The following PLA2G2D variants were observed in gnomAD, a reference collection of about 807,000 sequenced individuals.
PLA2G2D encodes phospholipase A2 group IID.
In PLA2G2D, 17 loss-of-function variants were observed where a neutral mutation model predicts 13.9. The observed-to-expected ratio is 1.23, with a 90% CI of 0.84 to 1.84. The LOEUF (loss-of-function observed/expected upper bound fraction) is 1.84. Among genes scored for constraint, PLA2G2D ranks in the 40% most tolerant of loss-of-function variants. The pLI is 0.00. For missense variants in PLA2G2D, 194 were observed against 178.7 expected, an observed-to-expected ratio of 1.09 and a Z score of -0.49; for synonymous variants, 83 against 69.3, an observed-to-expected ratio of 1.20 and a Z score of -0.98.
intron 3 of PLA2G2D, 93 bp downstream of exon 3, chr1:20,115,414 C>T: frequency 2.6e-6 from 2 of 765,444 alleles, no homozygotes; most frequent in South Asian, 1.5e-5. Flanking sequence ...AAAAAAAAAA[C>T]AGAGAGGTCA....
chr1:20,119,380 C>T, intron 1 of PLA2G2D, 79 bp downstream of exon 1: 7 of 1,256,516 alleles, frequency 5.6e-6, no homozygotes, highest in Non-Finnish European at 8.2e-6. Flanking sequence ...GCAGCAGCCC[C>T]CTAATCTGGG....
Position 20,113,353 on chromosome 1 carries a change from G to A in PLA2G2D, c.*761C>T, listed in dbSNP as rs145080836. The A allele has an allele frequency of 6.6e-6, 1 of 152,360 alleles. No homozygotes were observed. The highest frequency in any genetic ancestry group is 2.4e-5 in the African/African-American group (1 of 41,530). The allele number at this position is 152,360 out of a possible 1,614,324, so 9.4% of individuals were successfully genotyped here. On this transcript the variant is annotated 3_prime_UTR_variant, in exon 4 of 4. Coordinates refer to ENST00000375105, the MANE Select transcript of PLA2G2D (RefSeq NM_012400.4). ...CCAGAAAGTAGCCCTTTGACCCTGA[G>A]GAGGTGGGGATCAGTCGTGATGAAA...
At position 20,114,021 on chromosome 1, in the gene PLA2G2D, G is replaced by C; in HGVS notation, c.*93C>G. 1.7e-6 allele frequency: 2 copies of C among 1,195,838 alleles called. No homozygotes were observed. Among genetic ancestry groups the C allele is most frequent in the Non-Finnish European group, 2.4e-6 (2 of 837,542 alleles). The allele number at this position is 1,195,838 out of a possible 1,614,324, so 74.1% of individuals were successfully genotyped here. ...GGGGAGGCTGGGACTACCTCCCCCC[G>C]GAGTGTTTGAAAAGCCAGGCTGGTT... On this transcript the variant is annotated 3_prime_UTR_variant, in exon 4 of 4. Transcript: ENST00000375105.
intron 1 of PLA2G2D, among the ~76,000 whole-genome samples, chr1:20,118,905 A>G (rs1287737711): frequency 6.6e-6 from 1 of 152,204 alleles, no homozygotes; most frequent in African/African-American, 2.4e-5. Context: ...CTACATTTTA[A>G]AATGCAAGTC....
rs958825672 is a variant in PLA2G2D, at chr1:20,116,261, G to T, written c.185+72C>A. 8 of 1,431,194 alleles carry T rather than the reference G, an allele frequency of 5.6e-6. No individual in the cohort carries two copies. In the African/African-American group the frequency reaches 7.0e-5, roughly 13 times the overall value. The allele number at this position is 1,431,194 out of a possible 1,614,324, so 88.7% of individuals were successfully genotyped here. ...GGATTCAACTCAACTAAATGAACAG[G>T]TGGGTGGAGAGAAAAGAAGAGTACC... On this transcript the variant is annotated intron_variant, in intron 2 of 3. Coordinates refer to ENST00000375105, the MANE Select transcript of PLA2G2D (RefSeq NM_012400.4).
At position 20,113,988 on chromosome 1, in the gene PLA2G2D, G is replaced by T; in HGVS notation, c.*126C>A. ...CAGAAGGTCAGAAGGCATTGGTAGA[G>T]GGTTCCGGGGGAGGCTGGGACTACC... On this transcript the variant is annotated 3_prime_UTR_variant, in exon 4 of 4. Coordinates refer to ENST00000375105, the MANE Select transcript of PLA2G2D (RefSeq NM_012400.4). The T allele has an allele frequency of 1.3e-6, 1 of 784,184 alleles. No individual in the cohort carries two copies. The highest frequency in any genetic ancestry group is 1.7e-5 in the African/African-American group (1 of 57,390). The allele number at this position is 784,184 out of a possible 1,614,324, so 48.6% of individuals were successfully genotyped here. A position where few individuals can be genotyped will look rare whatever the true frequency, so the allele number is the denominator to read the frequency against.
Position 20,112,411 on chromosome 1 carries a change from C to G in PLA2G2D, c.*1703G>C, listed in dbSNP as rs1280293638. On this transcript the variant is annotated 3_prime_UTR_variant, in exon 4 of 4. Coordinates refer to ENST00000375105, the MANE Select transcript of PLA2G2D (RefSeq NM_012400.4). Reference sequence around the variant, plus strand: ...TGGTGCATAGAACTGGAATTTGAACCCAGCGCCCACAGTCCTTCATTCCTA... The same window carrying G: ...TGGTGCATAGAACTGGAATTTGAACGCAGCGCCCACAGTCCTTCATTCCTA... 6.6e-6 allele frequency: 1 copy of G among 152,212 alleles called. No homozygotes were observed. Among genetic ancestry groups the G allele is most frequent in the African/African-American group, 2.4e-5 (1 of 41,444 alleles). The allele number at this position is 152,212 out of a possible 1,614,324, so 9.4% of individuals were successfully genotyped here. A position where few individuals can be genotyped will look rare whatever the true frequency, so the allele number is the denominator to read the frequency against.
rs1453812801 is a variant in PLA2G2D, at chr1:20,112,200, C to T, written c.*1914G>A. 1 of 152,108 alleles carries T rather than the reference C, an allele frequency of 6.6e-6. No homozygotes were observed. Among genetic ancestry groups the T allele is most frequent in the Non-Finnish European group, 1.5e-5 (1 of 68,044 alleles). The allele number at this position is 152,108 out of a possible 1,614,324, so 9.4% of individuals were successfully genotyped here. A position where few individuals can be genotyped will look rare whatever the true frequency, so the allele number is the denominator to read the frequency against. On this transcript the variant is annotated 3_prime_UTR_variant, in exon 4 of 4. Coordinates refer to ENST00000375105, the MANE Select transcript of PLA2G2D (RefSeq NM_012400.4). ...CAGGCTGGTCTTGAACTCCTGACCC[C>T]AGGTGATCTGCCTGCCTCAGCCACC...
Position 20,114,089 on chromosome 1 carries a change from G to A in PLA2G2D, c.*25C>T. 6.2e-7 allele frequency: 1 copy of A among 1,604,178 alleles called. No homozygotes were observed. Among genetic ancestry groups the A allele is most frequent in the African/African-American group, 1.3e-5 (1 of 74,728 alleles). On this transcript the variant is annotated 3_prime_UTR_variant, in exon 4 of 4. Coordinates refer to ENST00000375105, the MANE Select transcript of PLA2G2D (RefSeq NM_012400.4). Reference sequence around the variant, plus strand: ...TGGGGATGCCAGAGCTCCATGCTGAGGAACAGGGTAGAGGGTGTGGGCTTC... The same window carrying A: ...TGGGGATGCCAGAGCTCCATGCTGAAGAACAGGGTAGAGGGTGTGGGCTTC...
At chr1:20,117,815 G>A (rs2017020385) in intron 1 of PLA2G2D, among the ~76,000 whole-genome samples, 1 of 152,114 alleles carries the variant, frequency 6.6e-6, no homozygotes, top group South Asian at 2.1e-4. Flanking sequence ...CACAGTGGGT[G>A]AGCCACACAT....
chr1:20,116,626 A>G, intron 1 of PLA2G2D, 149 bp from the exon 2 acceptor site: 1 of 687,236 alleles, frequency 1.5e-6, no homozygotes, highest in Non-Finnish European at 2.5e-6. Context: ...ACTGCTATTA[A>G]AAATATAGCG....
chr1:20,116,249 C>T (rs1287532163), intron 2 of PLA2G2D, 84 bp downstream of exon 2: 1 of 1,374,474 alleles, frequency 7.3e-7, no homozygotes, highest in East Asian at 2.3e-5. Context: ...TTCAACTCAA[C>T]TAAATGAACA....
rs1295078824 is a variant in PLA2G2D at position 20,114,250 on chromosome 1, C to T, written c.302G>A (p.Gly101Glu). The change falls in exon 4 of 4, where the codon GGA becomes GAA. Residue 101 changes from glycine to glutamate, a missense_variant. Gly to Glu is a moderately conservative substitution (Grantham distance 98). Transcript: ENST00000375105. ...SQGNIHCSDK[G>E]SWCEQQLCAC... ...ACACAGCTGCTGCTCACACCAGCTT[C>T]CCTTGTCAGCTGTGGACGGAGAAGG... is the stretch of plus-strand genomic sequence containing the variant. 3 of 1,613,510 alleles carry T rather than the reference C, an allele frequency of 1.9e-6. No homozygotes were observed.
intron 2 of PLA2G2D, 57 bp downstream of exon 2, chr1:20,116,276 A>G: frequency 6.5e-7 from 1 of 1,541,374 alleles, no homozygotes; most frequent in Non-Finnish European, 9.0e-7. Flanking sequence ...TGGAGAGAAA[A>G]GAAGAGTACC....
Position 20,116,432 on chromosome 1 carries a change from A to G in PLA2G2D, c.86T>C (p.Val29Ala). Residue 29 changes from valine to alanine, a missense_variant, in exon 2 of 4, where the codon GTC becomes GCC. Coordinates refer to ENST00000375105, the MANE Select transcript of PLA2G2D (RefSeq NM_012400.4). ...QGGILNLNKM[V>A]KQVTGKMPIL... ...GGGCATTTTCCCAGTCACTTGCTTG[A>G]CCATCTTGTTCAGGTTCAGGATCCC... 1 of 1,614,080 alleles carries G rather than the reference A, an allele frequency of 6.2e-7. No homozygotes were observed.
rs566418730 is a variant in PLA2G2D at position 20,116,773 on chromosome 1, G to A, written c.41-296C>T. 2.0e-5 allele frequency among the ~76,000 whole-genome samples: 3 copies of A among 152,210 alleles called. No individual in the cohort carries two copies. The East Asian group carries it at 5.8e-4, about 30-fold the overall frequency. On this transcript the variant is annotated intron_variant, in intron 1 of 3. Transcript: ENST00000375105. ...AGGTGGGCAGATTGCTTGAACACAGGAGTTTGAGACTAGCTTGGGAAACAT... is the reference window on the plus strand; with the variant it reads ...AGGTGGGCAGATTGCTTGAACACAGAAGTTTGAGACTAGCTTGGGAAACAT...
intron 1 of PLA2G2D, among the ~76,000 whole-genome samples, chr1:20,118,389 G>A (rs771877648): frequency 4.6e-5 from 7 of 152,160 alleles, no homozygotes; most frequent in African/African-American, 1.2e-4. Context: ...CCTGAGAAAC[G>A]GAGCTGGAGC....
chr1:20,119,519 G>C lies in PLA2G2D; in HGVS notation c.-21C>G. ...TCCATGATCCCAGCACAGAGCAGTGGAGGCAGATGCTGGCAGTCCCTTTCC... is the reference window on the plus strand; with the variant it reads ...TCCATGATCCCAGCACAGAGCAGTGCAGGCAGATGCTGGCAGTCCCTTTCC... On this transcript the variant is annotated 5_prime_UTR_variant, in exon 1 of 4. Transcript: ENST00000375105. 1 of 1,613,300 alleles carries C rather than the reference G, an allele frequency of 6.2e-7. No individual in the cohort carries two copies. Among genetic ancestry groups the C allele is most frequent in the Non-Finnish European group, 8.5e-7 (1 of 1,179,426 alleles).
At chr1:20,115,315 A>T (rs1320795814) in intron 3 of PLA2G2D, among the ~76,000 whole-genome samples, 192 bp downstream of exon 3, 1 of 152,076 alleles carries the variant, frequency 6.6e-6, no homozygotes, top group African/African-American at 2.4e-5. Flanking sequence ...TCCAGGTGCT[A>T]AAGGGGCCAA....
Sources: gnomAD v4.1 joint callset for allele counts (sites outside exome capture counted in the v4.1 genomes callset) on GRCh38, gnomAD v4.1.1 for gene constraint, MANE v1.5 for transcripts, NCBI Gene and HGNC (gene_info 2026-07-23, HGNC 2026-07-21) for gene names.